Variants in EBF1 observed in about 807,000 individuals in gnomAD.
EBF1 encodes EBF transcription factor 1.
Under a neutral mutation model 68.4 loss-of-function variants are expected in EBF1, and 10 were observed. The ratio of observed to expected loss-of-function variants is 0.15; its 90% CI spans 0.09 to 0.25. EBF1 has a LOEUF of 0.25. Among genes scored for constraint, EBF1 ranks in the 10% least tolerant of loss-of-function variants. EBF1 has a pLI of 1.00. For synonymous variants in EBF1, 298 were observed against 299.8 expected, an observed-to-expected ratio of 0.99 and a Z score of 0.06; for missense variants, 509 against 794.4, an observed-to-expected ratio of 0.64 and a Z score of 4.32.
intron 6 of EBF1, among the ~76,000 whole-genome samples, chr5:158,903,191 A>G (rs1252391425): frequency 2.0e-5 from 3 of 152,344 alleles, no homozygotes; most frequent in South Asian, 4.1e-4. Flanking sequence ...ATTATAATCC[A>G]CAAAGCTCCC....
chr5:159,088,932 T>C (rs1781168944), intron 4 of EBF1, among the ~76,000 whole-genome samples: 1 of 152,078 alleles, frequency 6.6e-6, no homozygotes, highest in Non-Finnish European at 1.5e-5. Flanking sequence ...ATCCTGCCAA[T>C]GGCAAATAAA....
chr5:158,753,957 C>A (rs1414683898), intron 10 of EBF1, among the ~76,000 whole-genome samples: 2 of 151,038 alleles, frequency 1.3e-5, no homozygotes, highest in Non-Finnish European at 3.0e-5. Context: ...TTTTTTTTTT[C>A]TGGCTAAAAT....
chr5:158,785,595 C>T (rs73816060), intron 9 of EBF1, among the ~76,000 whole-genome samples: 1,825 of 152,260 alleles, frequency 0.012, 40 homozygotes, highest in African/African-American at 0.042. Flanking sequence ...CCAGAGGAGG[C>T]ATTTACTGTT....
chr5:158,816,331 T>A (rs1783729414), intron 8 of EBF1, among the ~76,000 whole-genome samples: 1 of 152,260 alleles, frequency 6.6e-6, no homozygotes, highest in East Asian at 1.9e-4. Context: ...GGACCCCAAA[T>A]CCTCTGGCAT....
At chr5:158,882,601 G>A (rs934517633) in intron 6 of EBF1, among the ~76,000 whole-genome samples, 7 of 152,216 alleles carry the variant, frequency 4.6e-5, no homozygotes, top group Admixed American at 2.6e-4. Context: ...AAAGTTTCTC[G>A]AAGGAAAAAT....
intron 6 of EBF1, among the ~76,000 whole-genome samples, chr5:159,036,446 C>T (rs71593322): frequency 0.077 from 11,177 of 144,782 alleles, 452 homozygotes; most frequent in African/African-American, 0.11. Context: ...GGTACTGGTA[C>T]CAAAACAGAG....
intron 6 of EBF1, among the ~76,000 whole-genome samples, chr5:159,017,435 C>T (rs187244188): frequency 2.0e-5 from 3 of 152,318 alleles, no homozygotes; most frequent in Admixed American, 6.5e-5. Flanking sequence ...TGAGAATGAG[C>T]CTCAGCTCTT....
At chr5:158,731,696 T>C (rs1439256729) in intron 10 of EBF1, among the ~76,000 whole-genome samples, 3 of 152,148 alleles carry the variant, frequency 2.0e-5, no homozygotes, top group Non-Finnish European at 4.4e-5. Flanking sequence ...GTGCCACCCT[T>C]GAGAGAGTCT....
chr5:158,810,739 G>A (rs905416438), intron 8 of EBF1, among the ~76,000 whole-genome samples: 4 of 152,160 alleles, frequency 2.6e-5, no homozygotes, highest in African/African-American at 9.7e-5. Flanking sequence ...CTTGGGTTCT[G>A]CTTTCATGCT....
At chr5:158,913,856 C>A (rs1487875172) in intron 6 of EBF1, among the ~76,000 whole-genome samples, 1 of 152,220 alleles carries the variant, frequency 6.6e-6, no homozygotes, top group Admixed American at 6.5e-5. Context: ...GTACGTAAAA[C>A]AACAAAGGCT....
intron 10 of EBF1, among the ~76,000 whole-genome samples, chr5:158,763,700 A>G (rs950542638): frequency 3.9e-5 from 6 of 152,180 alleles, no homozygotes; most frequent in African/African-American, 1.4e-4. Flanking sequence ...TCAAACGACC[A>G]TGGTGATGTT....
intron 10 of EBF1, among the ~76,000 whole-genome samples, chr5:158,777,135 G>A (rs1775458936): frequency 6.6e-6 from 1 of 152,092 alleles, no homozygotes; most frequent in Admixed American, 6.6e-5. Context: ...CTCAGGACTA[G>A]CTACACCTCT....
At chr5:158,728,944 C>T (rs1348116747) in intron 11 of EBF1, among the ~76,000 whole-genome samples, 1 of 152,142 alleles carries the variant, frequency 6.6e-6, no homozygotes, top group Non-Finnish European at 1.5e-5. Flanking sequence ...TACATGATCC[C>T]CTATGAGTTA....
rs1243366242 is a variant in EBF1, at chr5:159,099,488, C to T, written c.-10G>A. On this transcript the variant is annotated 5_prime_UTR_variant, in exon 1 of 16. Coordinates refer to ENST00000313708, the MANE Select transcript of EBF1 (RefSeq NM_024007.5). The stretch of plus-strand genomic sequence containing the variant: ...CCTGAATCCCAAACATGAAAACAAC[C>T]TTTTCTTGTGGAAAATCTCCTCCCC... 4.0e-6 allele frequency: 6 copies of T among 1,493,788 alleles called. No homozygotes were observed. The highest frequency in any genetic ancestry group is 1.3e-5 in the South Asian group (1 of 74,694). 92.5% of individuals were successfully genotyped at this position (1,493,788 alleles called of 1,614,324 possible). A position where few individuals can be genotyped will look rare whatever the true frequency, so the allele number is the denominator to read the frequency against.
In EBF1 at chr5:158,707,684, T is replaced by A. The variant is rs905747525; in HGVS notation, c.1744+295A>T. ...GTGAAAGAGGAGAAAAGAGAAATGA[T>A]GCTGTTAGTCAGTAGAAACAGTATT... On this transcript the variant is annotated intron_variant, in intron 15 of 15. Coordinates refer to ENST00000313708, the MANE Select transcript of EBF1 (RefSeq NM_024007.5). The A allele has an allele frequency of 1.3e-5, 5 of 384,778 alleles. No homozygotes were observed. In the Admixed American group the frequency reaches 1.5e-4, roughly 12 times the overall value. The allele number at this position is 384,778 out of a possible 1,614,324, so 23.8% of individuals were successfully genotyped here.
chr5:159,049,543 C>T (rs989644439), intron 6 of EBF1, among the ~76,000 whole-genome samples: 1 of 152,172 alleles, frequency 6.6e-6, no homozygotes, highest in Non-Finnish European at 1.5e-5. Context: ...GACTTTGAGG[C>T]GAACTAAATA....
intron 7 of EBF1, among the ~76,000 whole-genome samples, chr5:158,835,487 T>C (rs892079537): frequency 1.1e-4 from 17 of 152,248 alleles, no homozygotes; most frequent in Non-Finnish European, 1.8e-4. Context: ...TGATGAACTT[T>C]GATTGTGTGT....
In EBF1 at chr5:158,978,835, C is replaced by CACACAGAG. The variant is rs753714441; in HGVS notation, c.554+94560_554+94561insCTCTGTGT. 5.2e-4 allele frequency among the ~76,000 whole-genome samples: 77 copies of CACACAGAG among 147,046 alleles called. 1 individual carries two copies. The highest frequency in any genetic ancestry group is 1.7e-3 in the African/African-American group (67 of 38,532). ...ACACACACACACACACACACACACACAGAGAGAGAGTCCACAGTTCTCTTT... is the reference window on the plus strand; with the variant it reads ...ACACACACACACACACACACACACACACACAGAGAGAGAGAGAGTCCACAGTTCTCTTT... On this transcript the variant is annotated intron_variant, in intron 6 of 15. Transcript: ENST00000313708.
At chr5:159,010,304 G>C (rs1158748192) in intron 6 of EBF1, among the ~76,000 whole-genome samples, 1 of 152,134 alleles carries the variant, frequency 6.6e-6, no homozygotes, top group Non-Finnish European at 1.5e-5. Flanking sequence ...ACCTACAGAG[G>C]TTACCAAAAG....
Sources: allele counts gnomAD v4.1 joint callset (sites outside exome capture counted in the v4.1 genomes callset), GRCh38; gene constraint gnomAD v4.1.1; transcripts MANE v1.5; gene names NCBI Gene and HGNC (gene_info 2026-07-23, HGNC 2026-07-21).